Variants in RAPGEF5 observed in about 807,000 individuals in gnomAD.
RAPGEF5 encodes the protein Rap guanine nucleotide exchange factor 5.
A neutral mutation model predicts 125.2 loss-of-function variants in RAPGEF5; 65 were observed. The observed-to-expected ratio is 0.52, with a 90% CI of 0.43 to 0.64. The LOEUF (loss-of-function observed/expected upper bound fraction) is 0.64, where lower values mean the gene tolerates loss of function less well. Ranked by LOEUF, RAPGEF5 falls within the 30% of genes least tolerant of loss-of-function variation. The probability of loss-of-function intolerance (pLI) is 0.00; values close to 1 mark genes in which losing one functional copy is unlikely to be tolerated. For missense variants in RAPGEF5, 958 were observed against 1,048.1 expected (o/e 0.91, Z 1.19); for synonymous variants, 391 against 385.9 (o/e 1.01, Z -0.16).
At chr7:22,300,360 T>A (rs1002785492) in intron 5 of RAPGEF5, among the ~76,000 whole-genome samples, 4 of 152,244 alleles carry the variant, frequency 2.6e-5, no homozygotes, top group Non-Finnish European at 5.9e-5. Flanking sequence ...ATTTGAAACT[T>A]GTTTACCTAA....
At chr7:22,145,252 T>C (rs1380724005) in intron 19 of RAPGEF5, 30 bp from the exon 20 acceptor site, 2 of 1,577,036 alleles carry the variant, frequency 1.3e-6, no homozygotes, top group African/African-American at 2.7e-5. Context: ...TGCCAGGGTT[T>C]ATTTATAGCA....
intron 20 of RAPGEF5, among the ~76,000 whole-genome samples, chr7:22,144,668 G>A (rs1456100012): frequency 6.6e-6 from 1 of 152,130 alleles, no homozygotes; most frequent in African/African-American, 2.4e-5. Context: ...CAATGAGCAG[G>A]TCCTACAATG....
chr7:22,354,369 T>A (rs1361322110), intron 1 of RAPGEF5, among the ~76,000 whole-genome samples: 4 of 152,166 alleles, frequency 2.6e-5, no homozygotes, highest in Non-Finnish European at 5.9e-5. Context: ...GTATGGCCCA[T>A]GAGACACAAA....
intron 6 of RAPGEF5, among the ~76,000 whole-genome samples, chr7:22,285,019 G>C (rs932792898): frequency 2.0e-5 from 3 of 152,054 alleles, no homozygotes; most frequent in African/African-American, 7.2e-5. Context: ...TCTTAGTTTA[G>C]CCTAGCCTGC....
chr7:22,236,758 C>G (rs1467395389), intron 7 of RAPGEF5, among the ~76,000 whole-genome samples: 4 of 152,194 alleles, frequency 2.6e-5, no homozygotes, highest in Admixed American at 1.3e-4. Flanking sequence ...ATCAAGCCAT[C>G]CCCCTATCCT....
chr7:22,341,009 T>A (rs1433844086), intron 1 of RAPGEF5, among the ~76,000 whole-genome samples: 1 of 152,230 alleles, frequency 6.6e-6, no homozygotes, highest in Non-Finnish European at 1.5e-5. Flanking sequence ...CATGAGGTCA[T>A]CCCTTGACTC....
At chr7:22,315,302 A>G (rs1783564608) in intron 3 of RAPGEF5, 68 bp downstream of exon 3, 3 of 1,502,726 alleles carry the variant, frequency 2.0e-6, no homozygotes, top group African/African-American at 1.4e-5. Context: ...CAAGGTTACA[A>G]TTTTAACACA....
Position 22,303,834 on chromosome 7 carries a change from T to C in RAPGEF5, c.680+4505A>G, listed in dbSNP as rs115984819. ...GCAGTAGCAACATGGACTGGAGACATCATGGAAGTTTTGTGGTCAAGGCAG... is the reference window on the plus strand; with the variant it reads ...GCAGTAGCAACATGGACTGGAGACACCATGGAAGTTTTGTGGTCAAGGCAG... On this transcript the variant is annotated intron_variant, in intron 5 of 25. Transcript: ENST00000665637. 6.6e-3 allele frequency among the ~76,000 whole-genome samples: 998 copies of C among 152,280 alleles called. 14 individuals are homozygous for C. Among genetic ancestry groups the C allele is most frequent in the African/African-American group, 0.023 (957 of 41,542 alleles).
intron 6 of RAPGEF5, among the ~76,000 whole-genome samples, chr7:22,269,471 G>A (rs554425529): frequency 6.6e-6 from 1 of 152,238 alleles, no homozygotes; most frequent in African/African-American, 2.4e-5. Context: ...ACAAGAGGTG[G>A]TTGAAGAGAC....
intron 11 of RAPGEF5, among the ~76,000 whole-genome samples, chr7:22,188,582 T>C (rs758323119): frequency 2.6e-4 from 39 of 151,930 alleles, no homozygotes; most frequent in Non-Finnish European, 5.4e-4. Flanking sequence ...CTGGCCAACA[T>C]GGTGAAACCC....
chr7:22,352,549 C>T (rs182645542), intron 1 of RAPGEF5, among the ~76,000 whole-genome samples: 1 of 152,156 alleles, frequency 6.6e-6, no homozygotes, highest in African/African-American at 2.4e-5. Flanking sequence ...AGTTTACTGG[C>T]CATTTAAAAA....
chr7:22,220,954 A>G (rs1785772815), intron 8 of RAPGEF5, among the ~76,000 whole-genome samples: 1 of 152,198 alleles, frequency 6.6e-6, no homozygotes, highest in African/African-American at 2.4e-5. Context: ...TCCAAACTTC[A>G]TGATCTTAAC....
chr7:22,265,763 C>T (rs1159627496), intron 7 of RAPGEF5, among the ~76,000 whole-genome samples: 1 of 152,142 alleles, frequency 6.6e-6, no homozygotes, highest in Non-Finnish European at 1.5e-5. Flanking sequence ...TTTTTGATAA[C>T]AGCCATTCTA....
intron 9 of RAPGEF5, among the ~76,000 whole-genome samples, chr7:22,213,216 G>A (rs995863962): frequency 2.6e-5 from 4 of 152,188 alleles, no homozygotes; most frequent in Non-Finnish European, 4.4e-5. Flanking sequence ...CAGCTAATGA[G>A]CAGATGGTTC....
chr7:22,335,502 C>T (rs779556008), intron 1 of RAPGEF5, among the ~76,000 whole-genome samples: 8 of 152,058 alleles, frequency 5.3e-5, no homozygotes, highest in Non-Finnish European at 8.8e-5. Context: ...TGGCACCATG[C>T]TGACTGGGCA....
chr7:22,184,413 T>C (rs748677165), intron 11 of RAPGEF5, among the ~76,000 whole-genome samples: 1 of 152,226 alleles, frequency 6.6e-6, no homozygotes, highest in Non-Finnish European at 1.5e-5. Context: ...TAACCTTTCA[T>C]GCTGAAATTG....
chr7:22,234,510 GC>G (rs1382069862), intron 7 of RAPGEF5, among the ~76,000 whole-genome samples: 2 of 152,290 alleles, frequency 1.3e-5, no homozygotes, highest in African/African-American at 4.8e-5. Flanking sequence ...GAGTCTAAAA[GC>G]AAGTAATGGC....
At chr7:22,243,571 T>C (rs763038925) in intron 7 of RAPGEF5, among the ~76,000 whole-genome samples, 1 of 152,204 alleles carries the variant, frequency 6.6e-6, no homozygotes, top group Non-Finnish European at 1.5e-5. Flanking sequence ...AAAATGCTGA[T>C]AGAGCATTAG....
At chr7:22,219,183 T>G (rs1785716750) in intron 9 of RAPGEF5, among the ~76,000 whole-genome samples, 1 of 152,054 alleles carries the variant, frequency 6.6e-6, no homozygotes, top group South Asian at 2.1e-4. Context: ...AGTCAACAGA[T>G]AACAATGTGT....
Sources: gnomAD v4.1 joint callset for allele counts (sites outside exome capture counted in the v4.1 genomes callset) on GRCh38, gnomAD v4.1.1 for gene constraint, MANE v1.5 for transcripts, NCBI Gene and HGNC (gene_info 2026-07-23, HGNC 2026-07-21) for gene names.